Variants in SNX29 observed in about 807,000 individuals in gnomAD.
SNX29 encodes the protein sorting nexin 29.
SNX29 carries 78 observed loss-of-function variants against 102.1 expected under a neutral mutation model. The observed-to-expected ratio is 0.76, with a 90% CI of 0.64 to 0.92. SNX29 has a LOEUF of 0.92. Among genes scored for constraint, SNX29 ranks in the 40% least tolerant of loss-of-function variants. The pLI is 0.00. For missense variants in SNX29, 1,280 were observed against 1,061.7 expected (o/e 1.21, Z -2.86); for synonymous variants, 580 against 414.5 (o/e 1.40, Z -4.85).
chr16:12,423,852 G>T (rs746300568), intron 18 of SNX29, among the ~76,000 whole-genome samples: 2 of 152,196 alleles, frequency 1.3e-5, no homozygotes, highest in African/African-American at 2.4e-5. Context: ...GATTACAGGC[G>T]TGAGCTACCG....
At position 12,573,380 on chromosome 16, in the gene SNX29, C is replaced by T. The variant is rs3803613; in HGVS notation, c.*4751C>T. The T allele has an allele frequency of 4.6e-3, 1,022 of 224,566 alleles. 29 individuals carry two copies. In the East Asian group the frequency reaches 0.047, roughly 10 times the overall value. 13.9% of individuals were successfully genotyped at this position (224,566 alleles called of 1,614,324 possible). ...AATCCCAGCAACCAAGTTGCGTATC[C>T]TTCCTTATAGCTAGTTTCTATAGAG... On this transcript the variant is annotated 3_prime_UTR_variant, in exon 21 of 21. Coordinates refer to ENST00000566228, the MANE Select transcript of SNX29 (RefSeq NM_032167.5).
chr16:12,378,818 G>A (rs8049288), intron 16 of SNX29, among the ~76,000 whole-genome samples: 1 of 152,112 alleles, frequency 6.6e-6, no homozygotes, highest in Admixed American at 6.5e-5. Flanking sequence ...AGCCCAGTCC[G>A]TCTCCCCTCA....
chr16:12,216,002 G>C (rs1034891023), intron 14 of SNX29, among the ~76,000 whole-genome samples: 1 of 152,160 alleles, frequency 6.6e-6, no homozygotes, highest in African/African-American at 2.4e-5. Context: ...TGAAGGATTT[G>C]GAGTAGACAG....
Position 12,549,237 on chromosome 16 carries a change from T to A in SNX29, c.2319-19269T>A, listed in dbSNP as rs9938909. Among the ~76,000 whole-genome samples the A allele has an allele frequency of 2.5e-3, 377 of 152,294 alleles. 1 individual carries two copies. Among genetic ancestry groups the A allele is most frequent in the African/African-American group, 8.9e-3 (370 of 41,554 alleles). On this transcript the variant is annotated intron_variant, in intron 20 of 20. Coordinates refer to ENST00000566228, the MANE Select transcript of SNX29 (RefSeq NM_032167.5). The stretch of plus-strand genomic sequence containing the variant: ...TCTGCCAGCCATGGTGGCTCATCCC[T>A]GTAATCCCAGCACTTTGGGAGGCTG...
chr16:12,439,866 G>T (rs1007183633), intron 18 of SNX29, among the ~76,000 whole-genome samples: 3 of 152,240 alleles, frequency 2.0e-5, no homozygotes, highest in African/African-American at 7.2e-5. Flanking sequence ...GCTTGGTGCA[G>T]GGTGGGTGCT....
intron 8 of SNX29, 33 bp downstream of exon 8, chr16:12,052,255 C>T: frequency 1.2e-6 from 2 of 1,611,264 alleles, no homozygotes; most frequent in South Asian, 2.2e-5. Flanking sequence ...GTCTCACCGT[C>T]CCCCAGGCTG....
chr16:12,154,501 G>GC (rs1438756599), intron 13 of SNX29, among the ~76,000 whole-genome samples: 2 of 152,026 alleles, frequency 1.3e-5, no homozygotes, highest in African/African-American at 4.8e-5. Context: ...AGGGTCTGTC[G>GC]CCCCTATTAG....
rs751985973 is a variant in SNX29 at position 12,283,031 on chromosome 16, C to G, written c.1782+4995C>G. 2.0e-5 allele frequency among the ~76,000 whole-genome samples: 3 copies of G among 152,302 alleles called. No individual in the cohort carries two copies. The South Asian group carries it at 6.2e-4, about 32-fold the overall frequency. The stretch of plus-strand genomic sequence containing the variant: ...GATAGCTAATAAGAGCACATGGGTT[C>G]TGGAGAGGAGGCACACTTTACTCTG... On this transcript the variant is annotated intron_variant, in intron 15 of 20. Transcript: ENST00000566228.
chr16:12,555,841 C>T (rs1035164908), intron 20 of SNX29, among the ~76,000 whole-genome samples: 2 of 152,214 alleles, frequency 1.3e-5, no homozygotes, highest in Non-Finnish European at 2.9e-5. Context: ...CTGACCAACC[C>T]CCCTCACCAC....
At chr16:12,344,515 G>GTAGA (rs2081723867) in intron 15 of SNX29, among the ~76,000 whole-genome samples, 1 of 152,120 alleles carries the variant, frequency 6.6e-6, no homozygotes, top group Non-Finnish European at 1.5e-5. Flanking sequence ...TAGATGCTCA[G>GTAGA]TAGATGTTTG....
In SNX29 at chr16:12,200,676, G is replaced by A. The variant is rs559258668; in HGVS notation, c.1678+993G>A. On this transcript the variant is annotated intron_variant, in intron 14 of 20. Coordinates refer to ENST00000566228, the MANE Select transcript of SNX29 (RefSeq NM_032167.5). ...TTTTGTATTTTTAGTAGAGATGGGG[G>A]ATTTCACCATGTTGGCCAGTCTTGT... 5.3e-5 allele frequency among the ~76,000 whole-genome samples: 8 copies of A among 152,070 alleles called. No individual in the cohort carries two copies. The South Asian group carries it at 1.7e-3, about 32-fold the overall frequency.
intron 14 of SNX29, among the ~76,000 whole-genome samples, chr16:12,258,143 C>G (rs935243104): frequency 1.3e-5 from 2 of 152,152 alleles, no homozygotes; most frequent in Non-Finnish European, 2.9e-5. Flanking sequence ...CAGCTCCCAG[C>G]TCCCCTGATG....
chr16:12,384,253 G>A (rs1433848441), intron 16 of SNX29, among the ~76,000 whole-genome samples: 2 of 152,166 alleles, frequency 1.3e-5, no homozygotes, highest in African/African-American at 2.4e-5. Context: ...GGGATTGCTG[G>A]ATCATATGGT....
intron 11 of SNX29, among the ~76,000 whole-genome samples, chr16:12,105,944 T>G (rs1312405760): frequency 6.6e-6 from 1 of 152,156 alleles, no homozygotes; most frequent in Non-Finnish European, 1.5e-5. Context: ...TGGCCCAGCA[T>G]GAGAGGAGAT....
chr16:12,460,855 C>A (rs781025563), intron 18 of SNX29, among the ~76,000 whole-genome samples: 3 of 152,034 alleles, frequency 2.0e-5, no homozygotes, highest in Non-Finnish European at 4.4e-5. Context: ...GAGAGAATTT[C>A]GCCATGTTGG....
chr16:12,513,330 C>CCTGCCCTGAG (rs975253527), intron 19 of SNX29, among the ~76,000 whole-genome samples: 1 of 138,762 alleles, frequency 7.2e-6, no homozygotes, highest in African/African-American at 2.9e-5. Context: ...CCTTCCCCTG[C>CCTGCCCTGAG]CTGCCCTGCC....
Position 12,493,861 on chromosome 16 carries a change from G to A in SNX29, c.2178+16002G>A, listed in dbSNP as rs544672122. 3.3e-5 allele frequency among the ~76,000 whole-genome samples: 5 copies of A among 152,276 alleles called. No individual in the cohort carries two copies. The East Asian group carries it at 9.7e-4, about 29-fold the overall frequency. On this transcript the variant is annotated intron_variant, in intron 19 of 20. Transcript: ENST00000566228. Reference sequence around the variant, plus strand: ...CCCGCCTCGGCCTCCCAAAATGCTGGGGTTACAGGCGTGAGCCACCGCACC... The same window carrying A: ...CCCGCCTCGGCCTCCCAAAATGCTGAGGTTACAGGCGTGAGCCACCGCACC...
chr16:12,222,146 C>T (rs1458666476), intron 14 of SNX29, among the ~76,000 whole-genome samples: 2 of 152,256 alleles, frequency 1.3e-5, no homozygotes, highest in South Asian at 2.1e-4. Flanking sequence ...CTTCATTCTG[C>T]AGATGCAGAA....
intron 16 of SNX29, among the ~76,000 whole-genome samples, chr16:12,393,503 G>A (rs118075927): frequency 2.0e-5 from 3 of 149,658 alleles, no homozygotes; most frequent in Non-Finnish European, 4.4e-5. Context: ...TGAACAGGTG[G>A]GTGTGGTAAG....
Sources: allele counts gnomAD v4.1 joint callset (sites outside exome capture counted in the v4.1 genomes callset), GRCh38; gene constraint gnomAD v4.1.1; transcripts MANE v1.5; gene names NCBI Gene and HGNC (gene_info 2026-07-23, HGNC 2026-07-21).